TENM3: variants seen among roughly 807,000 people sequenced by gnomAD.
TENM3 encodes the protein teneurin-3.
Under a neutral mutation model 255.1 loss-of-function variants are expected in TENM3, and 63 were observed. That is an observed-to-expected ratio of 0.25 (90% CI 0.20 to 0.30). TENM3 has a LOEUF of 0.30. Ranked by LOEUF, TENM3 falls within the 10% of genes least tolerant of loss-of-function variation. TENM3 has a pLI of 1.00. For synonymous variants in TENM3, 1,306 were observed against 1,322.3 expected (o/e 0.99, Z 0.27); for missense variants, 2,929 against 3,461.1 (o/e 0.85, Z 3.86).
At chr4:181,829,416 C>T in the TENM3 span, among the ~76,000 whole-genome samples, 1 of 152,128 alleles carries the variant, frequency 6.6e-6, no homozygotes, top group Admixed American at 6.5e-5. Context: ...AAGGGGATGA[C>T]CTGCTGTTGA....
At chr4:182,504,499 C>CAGT in intron 3 of TENM3, among the ~76,000 whole-genome samples, 1 of 152,148 alleles carries the variant, frequency 6.6e-6, no homozygotes. Context: ...AATAGCTATA[C>CAGT]AAGATATGTT....
At chr4:182,201,091 C>G (rs1754160130) in intron 1 of TENM3, among the ~76,000 whole-genome samples, 1 of 152,090 alleles carries the variant, frequency 6.6e-6, no homozygotes, top group Non-Finnish European at 1.5e-5. Flanking sequence ...TCCCAAAGTT[C>G]TAGGATTATA....
chr4:182,308,934 A>G (rs890134009), intron 1 of TENM3, among the ~76,000 whole-genome samples: 1 of 152,204 alleles, frequency 6.6e-6, no homozygotes, highest in African/African-American at 2.4e-5. Context: ...AATATTCTAG[A>G]GAATGGAATC....
chr4:182,405,474 A>G (rs1769503541), intron 3 of TENM3, among the ~76,000 whole-genome samples: 2 of 152,236 alleles, frequency 1.3e-5, no homozygotes, highest in Admixed American at 6.5e-5. Flanking sequence ...GGAGATGACA[A>G]ATGGATAGTA....
At chr4:182,556,176 G>A (rs10013166) in intron 3 of TENM3, among the ~76,000 whole-genome samples, 59,448 of 152,022 alleles carry the variant, frequency 0.39, 12,910 homozygotes, top group East Asian at 0.56. Flanking sequence ...AAGGATTCCT[G>A]TTGTCAGATG....
the TENM3 span, among the ~76,000 whole-genome samples, chr4:181,890,910 C>G: frequency 6.6e-6 from 1 of 152,170 alleles, no homozygotes; most frequent in African/African-American, 2.4e-5. Flanking sequence ...CTATTGCTTT[C>G]CTGAAGCATC....
chr4:181,530,969 A>T, the TENM3 span, among the ~76,000 whole-genome samples: 5 of 151,008 alleles, frequency 3.3e-5, no homozygotes, highest in Non-Finnish European at 7.4e-5. Flanking sequence ...CCTTTTTTTT[A>T]ATGTCAGCCC....
rs1033957761 is a variant in TENM3 at position 182,799,124 on chromosome 4, A to G, written c.7345-472A>G. Among the ~76,000 whole-genome samples the G allele has an allele frequency of 6.6e-6, 1 of 152,190 alleles. No homozygotes were observed. Among genetic ancestry groups the G allele is most frequent in the African/African-American group, 2.4e-5 (1 of 41,452 alleles). ...GAGAGGGGACAGAGTTGACTTAAAT[A>G]CAAGCATTTCAAAGCATACGAAGCG... On this transcript the variant is annotated intron_variant, in intron 27 of 27. Transcript: ENST00000511685. This position sits in a 1 kb window ranked among gnomAD's most constrained non-coding sequence, Gnocchi z 4.2.
intron 13 of TENM3, among the ~76,000 whole-genome samples, chr4:182,718,307 C>G (rs746714782): frequency 1.3e-5 from 2 of 152,172 alleles, no homozygotes; most frequent in Non-Finnish European, 2.9e-5. Flanking sequence ...TAGAATCATT[C>G]TCAGGCCATC....
rs1440730027 is a variant in TENM3 at position 182,450,161 on chromosome 4, G to T, written c.511+103232G>T. Among the ~76,000 whole-genome samples, 3 of 152,202 alleles carry T rather than the reference G, an allele frequency of 2.0e-5. No homozygotes were observed. The South Asian group carries it at 6.2e-4, about 32-fold the overall frequency. On this transcript the variant is annotated intron_variant, in intron 3 of 27. Transcript: ENST00000511685. Reference sequence around the variant, plus strand: ...TTTCAGTAATTGAAAGCAGATTCACGTCTGGAGTTGTACAAGCCAAGGTTT... The same window carrying T: ...TTTCAGTAATTGAAAGCAGATTCACTTCTGGAGTTGTACAAGCCAAGGTTT...
chr4:182,661,264 G>A (rs561261340), intron 6 of TENM3, among the ~76,000 whole-genome samples: 4 of 133,922 alleles, frequency 3.0e-5, no homozygotes, highest in African/African-American at 8.6e-5. Context: ...GCAGTGGCGC[G>A]ATCTTGGCTC....
At chr4:181,911,568 G>C in the TENM3 span, among the ~76,000 whole-genome samples, 1 of 152,174 alleles carries the variant, frequency 6.6e-6, no homozygotes, top group African/African-American at 2.4e-5. Flanking sequence ...GACTCTAAGG[G>C]GAGCTCATAG....
At chr4:181,748,168 ATTGC>A in the TENM3 span, among the ~76,000 whole-genome samples, 8 of 152,098 alleles carry the variant, frequency 5.3e-5, no homozygotes, top group African/African-American at 1.7e-4. Context: ...GGTTAAAAAT[ATTGC>A]TGTTGATGTT....
At chr4:182,323,201 A>G (rs1467678136) in intron 1 of TENM3, among the ~76,000 whole-genome samples, 1 of 152,180 alleles carries the variant, frequency 6.6e-6, no homozygotes, top group African/African-American at 2.4e-5. Flanking sequence ...TGCCTCGCTT[A>G]TTCGTGCAGT....
chr4:181,874,782 T>C, the TENM3 span, among the ~76,000 whole-genome samples: 1 of 152,202 alleles, frequency 6.6e-6, no homozygotes, highest in Non-Finnish European at 1.5e-5. Context: ...CGGTGGCTGA[T>C]CTCCGCCTCC....
chr4:182,210,735 C>T (rs753438842), intron 1 of TENM3, among the ~76,000 whole-genome samples: 1 of 151,782 alleles, frequency 6.6e-6, no homozygotes, highest in African/African-American at 2.4e-5. Context: ...GCCTAAATCA[C>T]TTCTTTTCTG....
the TENM3 span, among the ~76,000 whole-genome samples, chr4:181,847,661 T>C: frequency 1.2e-4 from 18 of 151,922 alleles, no homozygotes; most frequent in African/African-American, 4.3e-4. Flanking sequence ...TTGATAGACA[T>C]ACCAACTATG....
the TENM3 span, among the ~76,000 whole-genome samples, chr4:182,006,601 T>C: frequency 5.3e-5 from 8 of 152,162 alleles, no homozygotes; most frequent in African/African-American, 1.9e-4. Flanking sequence ...ATTATGTCTA[T>C]TTGATTCTTC....
At chr4:181,814,165 A>G in the TENM3 span, among the ~76,000 whole-genome samples, 8 of 152,190 alleles carry the variant, frequency 5.3e-5, no homozygotes, top group African/African-American at 1.9e-4. Context: ...AAACAGCAAT[A>G]AATTTGAAAA....
Sources: gnomAD v4.1 joint callset for allele counts (sites outside exome capture counted in the v4.1 genomes callset) on GRCh38, gnomAD v4.1.1 for gene constraint, Gnocchi (gnomAD v3.1) non-coding constraint, MANE v1.5 for transcripts, NCBI Gene and HGNC (gene_info 2026-07-23, HGNC 2026-07-21) for gene names.